The following TENM2 variants were observed in gnomAD, a reference collection of about 807,000 sequenced individuals.
TENM2 encodes teneurin transmembrane protein 2, also known as teneurin-2.
In TENM2, 52 loss-of-function variants were observed where a neutral mutation model predicts 245.2. The observed-to-expected ratio is 0.21, with a 90% CI of 0.17 to 0.27. The LOEUF is 0.27. Ranked by LOEUF, TENM2 falls within the 10% of genes least tolerant of loss-of-function variation. The pLI, the probability that TENM2 is intolerant of heterozygous loss-of-function variation, is 1.00. For missense variants in TENM2, 3,046 were observed against 3,666.8 expected (o/e 0.83, Z 4.37); for synonymous variants, 1,363 against 1,438.9 (o/e 0.95, Z 1.19).
intron 13 of TENM2, among the ~76,000 whole-genome samples, chr5:168,175,060 G>A (rs150912053): frequency 2.4e-4 from 37 of 152,306 alleles, no homozygotes; most frequent in African/African-American, 7.7e-4. Context: ...GGACCTAGCT[G>A]TACATTCTGA....
At chr5:168,139,977 G>A (rs1562206646) in intron 12 of TENM2, among the ~76,000 whole-genome samples, 1 of 152,172 alleles carries the variant, frequency 6.6e-6, no homozygotes, top group Non-Finnish European at 1.5e-5. Flanking sequence ...AACAAGACTG[G>A]GGGCCAAATG....
At chr5:167,680,195 C>T (rs1457413311) in intron 2 of TENM2, among the ~76,000 whole-genome samples, 3 of 151,766 alleles carry the variant, frequency 2.0e-5, no homozygotes, top group African/African-American at 7.3e-5. Context: ...TAGTACTTGG[C>T]ACTGGGCATG....
At chr5:167,320,132 A>G (rs1391829676) in intron 1 of TENM2, among the ~76,000 whole-genome samples, 6 of 152,222 alleles carry the variant, frequency 3.9e-5, no homozygotes, top group Admixed American at 2.0e-4. Context: ...ACAAAAATCA[A>G]ATAAGAAACA....
chr5:167,169,285 A>G, the TENM2 span, among the ~76,000 whole-genome samples: 5 of 152,166 alleles, frequency 3.3e-5, no homozygotes, highest in South Asian at 8.3e-4. Context: ...TCGTTGTCTC[A>G]TTGGTAAAAT....
At chr5:167,971,565 G>C (rs1420624926) in intron 4 of TENM2, among the ~76,000 whole-genome samples, 3 of 152,048 alleles carry the variant, frequency 2.0e-5, no homozygotes, top group Non-Finnish European at 4.4e-5. Context: ...GCCAGGCGTG[G>C]TGGTGCACGC....
intron 2 of TENM2, among the ~76,000 whole-genome samples, chr5:167,548,887 T>C (rs1184491003): frequency 1.3e-5 from 2 of 152,196 alleles, no homozygotes; most frequent in Non-Finnish European, 2.9e-5. Flanking sequence ...TTCTATTGCA[T>C]TAGTTGTAAA....
chr5:167,345,638 A>G (rs921654098), intron 1 of TENM2, among the ~76,000 whole-genome samples: 2 of 152,176 alleles, frequency 1.3e-5, no homozygotes, highest in East Asian at 1.9e-4. Flanking sequence ...GGCATTTACA[A>G]ATTTTTATTA....
At chr5:167,939,774 C>T (rs1779025652) in intron 3 of TENM2, among the ~76,000 whole-genome samples, 1 of 152,208 alleles carries the variant, frequency 6.6e-6, no homozygotes, top group African/African-American at 2.4e-5. Context: ...TTCTGTGCCA[C>T]ATCGAGTTCC....
intron 2 of TENM2, among the ~76,000 whole-genome samples, chr5:167,624,282 G>A (rs1778363051): frequency 6.6e-6 from 1 of 152,164 alleles, no homozygotes; most frequent in African/African-American, 2.4e-5. Flanking sequence ...CGTGGATGCA[G>A]CTGCAGATCA....
In TENM2 at chr5:167,674,821, G is replaced by A. The variant is rs79063545; in HGVS notation, c.503-201165G>A. Reference sequence around the variant, plus strand: ...TCTTTCTAAAGCCAGAATTTAGGTTGTGTTTCTATACTAGCTGGTCACATT... The same window carrying A: ...TCTTTCTAAAGCCAGAATTTAGGTTATGTTTCTATACTAGCTGGTCACATT... On this transcript the variant is annotated intron_variant, in intron 2 of 28. Coordinates refer to ENST00000518659, the Ensembl canonical transcript of TENM2. 5.8e-3 allele frequency among the ~76,000 whole-genome samples: 877 copies of A among 152,212 alleles called. 3 individuals carry two copies. The highest frequency in any genetic ancestry group is 0.022 in the South Asian group (104 of 4,828).
At chr5:167,102,583 C>G in the TENM2 span, among the ~76,000 whole-genome samples, 18 of 152,166 alleles carry the variant, frequency 1.2e-4, 1 homozygote, top group Admixed American at 1.2e-3. Flanking sequence ...TGCAGTCTAG[C>G]ACTGGTGCAT....
intron 2 of TENM2, among the ~76,000 whole-genome samples, chr5:167,873,023 C>T (rs999133475): frequency 2.6e-5 from 4 of 152,240 alleles, no homozygotes; most frequent in Non-Finnish European, 4.4e-5. Context: ...GCCTCAATAA[C>T]ACAAACTTTA....
At chr5:167,393,874 G>A (rs1193947599) in intron 2 of TENM2, among the ~76,000 whole-genome samples, 1 of 152,128 alleles carries the variant, frequency 6.6e-6, no homozygotes. Context: ...GTATTTTGAA[G>A]GTAAAGGTAG....
At chr5:167,394,802 G>A (rs996610988) in intron 2 of TENM2, among the ~76,000 whole-genome samples, 2 of 151,774 alleles carry the variant, frequency 1.3e-5, no homozygotes, top group African/African-American at 4.8e-5. Flanking sequence ...TCACCATGTT[G>A]CCCAGGCTGG....
At chr5:167,215,532 C>A in the TENM2 span, among the ~76,000 whole-genome samples, 1 of 152,162 alleles carries the variant, frequency 6.6e-6, no homozygotes, top group Non-Finnish European at 1.5e-5. Flanking sequence ...TATACTGAGC[C>A]TGTGCCCTGT....
At chr5:167,994,782 T>A (rs546716651) in intron 5 of TENM2, among the ~76,000 whole-genome samples, 61 of 152,148 alleles carry the variant, frequency 4.0e-4, no homozygotes, top group African/African-American at 1.4e-3. Flanking sequence ...CACCCCTAAT[T>A]TCGAGTCATG....
chr5:167,854,102 G>A (rs1770847718), intron 2 of TENM2, among the ~76,000 whole-genome samples: 3 of 152,056 alleles, frequency 2.0e-5, no homozygotes, highest in South Asian at 2.1e-4. Context: ...TATTTTAAAA[G>A]CCCTGAAGAT....
chr5:167,699,093 A>AT (rs1440543612), intron 2 of TENM2, among the ~76,000 whole-genome samples: 1 of 152,210 alleles, frequency 6.6e-6, no homozygotes, highest in East Asian at 1.9e-4. Flanking sequence ...AAAATGGAAC[A>AT]TAAGACAGCC....
intron 4 of TENM2, among the ~76,000 whole-genome samples, chr5:167,959,664 G>A (rs1243600094): frequency 6.6e-6 from 1 of 152,078 alleles, no homozygotes; most frequent in Non-Finnish European, 1.5e-5. Context: ...TAGCTTGGAG[G>A]AGTTTGTTAT....
Sources: gnomAD v4.1 joint callset for allele counts (sites outside exome capture counted in the v4.1 genomes callset) on GRCh38, gnomAD v4.1.1 for gene constraint, MANE v1.5 for transcripts, NCBI Gene and HGNC (gene_info 2026-07-23, HGNC 2026-07-21) for gene names.